The following UGT2B15 variants were observed in gnomAD, a reference collection of about 807,000 sequenced individuals.
The protein encoded by UGT2B15 is UDP-glucuronosyltransferase 2B15.
A neutral mutation model predicts 45.9 loss-of-function variants in UGT2B15; 36 were observed. The observed-to-expected ratio is 0.78, with a 90% confidence interval of 0.60 to 1.04. The LOEUF is 1.04. UGT2B15 is among the 50% of genes least tolerant of loss of function. The pLI is 0.00. For synonymous variants in UGT2B15, 219 were observed against 216.4 expected (o/e 1.01, Z -0.11); for missense variants, 617 against 622.4 (o/e 0.99, Z 0.09).
intron 5 of UGT2B15, among the ~76,000 whole-genome samples, chr4:68,652,059 T>C (rs1479407608): frequency 6.6e-6 from 1 of 152,116 alleles, no homozygotes; most frequent in Non-Finnish European, 1.5e-5. Flanking sequence ...TCAGCAGTGG[T>C]TTCTAGTCCT....
chr4:68,670,130 T>C lies in UGT2B15; in HGVS notation c.489A>G (p.Glu163=), dbSNP rs1417268106. 2.5e-6 allele frequency: 4 copies of C among 1,613,970 alleles called. No homozygotes were observed. Among genetic ancestry groups the C allele is most frequent in the African/African-American group, 1.3e-5 (1 of 74,912 alleles). ...ALNPCGELLA[E]LFNIPFLYSL... is the part of the protein sequence containing the mutation. Reference sequence around the variant, plus strand: ...TGTACAGAAAGGGTATGTTAAATAGTTCAGCCAGTAGCTCACCACAGGGAT... The same window carrying C: ...TGTACAGAAAGGGTATGTTAAATAGCTCAGCCAGTAGCTCACCACAGGGAT... Residue 163 remains glutamate (E), a synonymous_variant, in exon 1 of 6, where the codon GAA becomes GAG. Coordinates refer to ENST00000338206, the MANE Select transcript of UGT2B15 (RefSeq NM_001076.4).
At position 68,655,136 on chromosome 4, in the gene UGT2B15, T is replaced by A; in HGVS notation, c.1052A>T (p.Asn351Ile). 6.2e-7 allele frequency: 1 copy of A among 1,613,436 alleles called. No individual in the cohort carries two copies. The highest frequency in any genetic ancestry group is 8.5e-7 in the Non-Finnish European group (1 of 1,179,614). The change falls in exon 4 of 6, where the codon AAT becomes ATT. Residue 351 changes from asparagine to isoleucine, a missense_variant. By Grantham distance (149) the Asn-to-Ile change is moderately radical (BLOSUM62 -3). Transcript: ENST00000338206. ...GGGTAACCACTTGTACAGTCGAGTA[T>A]TGGAACCTAAAGTATTTGGCTTCTT... ...DGKKPNTLGSNTRLYKWLPQN... is the reference protein window; with the variant it reads ...DGKKPNTLGSITRLYKWLPQN...
intron 4 of UGT2B15, among the ~76,000 whole-genome samples, chr4:68,654,795 C>T (rs968139451): frequency 6.6e-6 from 1 of 151,874 alleles, no homozygotes. Flanking sequence ...GGTAAAGCTG[C>T]ATAAATAGGA....
At chr4:68,651,186 T>A (rs1421203824) in intron 5 of UGT2B15, among the ~76,000 whole-genome samples, 2 of 152,074 alleles carry the variant, frequency 1.3e-5, no homozygotes, top group Admixed American at 1.3e-4. Context: ...TTGGCTTTTG[T>A]TGCAATTGCT....
intron 2 of UGT2B15, among the ~76,000 whole-genome samples, chr4:68,666,412 A>G (rs1279113395): frequency 1.3e-5 from 2 of 152,148 alleles, no homozygotes; most frequent in African/African-American, 2.4e-5. Flanking sequence ...TAATGACTGA[A>G]ATAATCATAA....
At chr4:68,666,302 A>G (rs1733116889) in intron 2 of UGT2B15, among the ~76,000 whole-genome samples, 1 of 152,166 alleles carries the variant, frequency 6.6e-6, no homozygotes, top group African/African-American at 2.4e-5. Flanking sequence ...GGACTTTGCT[A>G]GAGAATATAA....
At chr4:68,656,847 C>A (rs1409567274) in intron 3 of UGT2B15, among the ~76,000 whole-genome samples, 1 of 151,966 alleles carries the variant, frequency 6.6e-6, no homozygotes, top group African/African-American at 2.4e-5. Context: ...ATGACCTGAT[C>A]TCTTTGGCTT....
At chr4:68,668,459 T>G (rs1356255233) in intron 1 of UGT2B15, among the ~76,000 whole-genome samples, 1 of 152,056 alleles carries the variant, frequency 6.6e-6, no homozygotes, top group Non-Finnish European at 1.5e-5. Flanking sequence ...ATCAGTATAT[T>G]CACAATCATA....
At chr4:68,660,530 A>T (rs1732932627) in intron 3 of UGT2B15, among the ~76,000 whole-genome samples, 1 of 151,670 alleles carries the variant, frequency 6.6e-6, no homozygotes, top group African/African-American at 2.4e-5. Flanking sequence ...TGTATACAAT[A>T]ATCAGGCCAA....
chr4:68,657,832 G>A (rs1228964900), intron 3 of UGT2B15, among the ~76,000 whole-genome samples: 1 of 151,874 alleles, frequency 6.6e-6, no homozygotes, highest in Non-Finnish European at 1.5e-5. Context: ...TTATCTCATG[G>A]CTAAAGTTCT....
intron 2 of UGT2B15, among the ~76,000 whole-genome samples, chr4:68,663,459 A>G (rs1292988405): frequency 2.0e-5 from 3 of 152,112 alleles, no homozygotes; most frequent in Non-Finnish European, 4.4e-5. Flanking sequence ...TTATAATATT[A>G]TAATTACTAA....
intron 3 of UGT2B15, among the ~76,000 whole-genome samples, chr4:68,660,734 T>C (rs1392001662): frequency 1.3e-5 from 2 of 151,960 alleles, no homozygotes; most frequent in East Asian, 1.9e-4. Context: ...GTCTTCAAAA[T>C]AGTGTCTTCA....
chr4:68,651,250 G>A (rs1253877053), intron 5 of UGT2B15, among the ~76,000 whole-genome samples: 1 of 152,002 alleles, frequency 6.6e-6, no homozygotes, highest in Non-Finnish European at 1.5e-5. Context: ...GAATGATATT[G>A]CCTAGGTTTT....
chr4:68,668,268 G>A (rs893751325), intron 1 of UGT2B15, 80 bp from the exon 2 acceptor site: 2 of 1,592,716 alleles, frequency 1.3e-6, no homozygotes, highest in Non-Finnish European at 1.7e-6. Flanking sequence ...TTTCCTGAAA[G>A]GACTTGGAAT....
At chr4:68,658,711 GTT>G (rs1227362754) in intron 3 of UGT2B15, among the ~76,000 whole-genome samples, 1 of 151,964 alleles carries the variant, frequency 6.6e-6, no homozygotes, top group Admixed American at 6.6e-5. Flanking sequence ...GGAAAAAACT[GTT>G]ATCATTTTTA....
intron 5 of UGT2B15, among the ~76,000 whole-genome samples, chr4:68,653,795 C>G (rs1031384106): frequency 1.2e-4 from 18 of 151,960 alleles, no homozygotes; most frequent in East Asian, 3.9e-4. Flanking sequence ...AAATAATTAT[C>G]TACATATCTT....
Position 68,670,563 on chromosome 4 carries a change from C to T in UGT2B15, c.56G>A (p.Ser19Asn), listed in dbSNP as rs771229536. ...FLLIQLSCYF[S>N]SGSCGKVLVW... is the part of the protein sequence containing the mutation. ...TAGCACCTTTCCACAGCTTCCAGAGCTAAAGTAACAACTGAGCTGTATCAG... is the reference window on the plus strand; with the variant it reads ...TAGCACCTTTCCACAGCTTCCAGAGTTAAAGTAACAACTGAGCTGTATCAG... The change falls in exon 1 of 6, where the codon AGC becomes AAC. Residue 19 changes from serine to asparagine, a missense_variant. Physicochemically the swap from Ser to Asn is conservative, Grantham distance 46. Around this residue, in one of 3 missense-constraint regions of UGT2B15, gnomAD observed 351 missense variants for 342.1 expected, o/e 1.03. Transcript: ENST00000338206. 9 of 1,605,222 alleles carry T rather than the reference C, an allele frequency of 5.6e-6. No homozygotes were observed. The highest frequency in any genetic ancestry group is 1.8e-5 in the Admixed American group (1 of 56,798).
rs1733259130 is a variant in UGT2B15, at chr4:68,670,104, C to T, written c.515G>A (p.Ser172Asn). 1 of 1,614,090 alleles carries T rather than the reference C, an allele frequency of 6.2e-7. No individual in the cohort carries two copies. The highest frequency in any genetic ancestry group is 8.5e-7 in the Non-Finnish European group (1 of 1,179,986). The change falls in exon 1 of 6, where the codon AGT becomes AAT. Residue 172 changes from serine to asparagine, a missense_variant. Physicochemically the swap from Ser to Asn is conservative, Grantham distance 46 (BLOSUM62 1). Transcript: ENST00000338206. Reference sequence around the variant, plus strand: ...TGTGTAGCCAACAGAGAATCGAAGACTGTACAGAAAGGGTATGTTAAATAG... The same window carrying T: ...TGTGTAGCCAACAGAGAATCGAAGATTGTACAGAAAGGGTATGTTAAATAG... ...AELFNIPFLY[S>N]LRFSVGYTFE...
rs1272449429 is a variant in UGT2B15 at position 68,646,618 on chromosome 4, TTTTTC to T, written c.*481_*485del. Reference sequence around the variant, plus strand: ...CCCATAAGGTTTTATATTATTTTTATTTTTCTTTTCTTTTTTTTTTATGGCTTGGA... The same window carrying T: ...CCCATAAGGTTTTATATTATTTTTATTTTTCTTTTTTTTTTATGGCTTGGA... On this transcript the variant is annotated 3_prime_UTR_variant, in exon 6 of 6. Transcript: ENST00000338206. 4 of 152,616 alleles carry T rather than the reference TTTTTC, an allele frequency of 2.6e-5. No homozygotes were observed. Among genetic ancestry groups the T allele is most frequent in the South Asian group, 2.0e-4 (1 of 4,890 alleles). 9.5% of individuals were successfully genotyped at this position (152,616 alleles called of 1,614,324 possible).
Sources: gnomAD v4.1 joint callset for allele counts (sites outside exome capture counted in the v4.1 genomes callset) on GRCh38, gnomAD v4.1.1 for gene constraint, gnomAD v4.1.1 regional missense constraint, MANE v1.5 for transcripts, NCBI Gene and HGNC (gene_info 2026-07-23, HGNC 2026-07-21) for gene names.